Variants in VPS13C observed in about 807,000 individuals in gnomAD.
The protein encoded by VPS13C is intermembrane lipid transfer protein VPS13C.
Under a neutral mutation model 456.8 loss-of-function variants are expected in VPS13C, and 358 were observed. The ratio of observed to expected loss-of-function variants is 0.78; its 90% CI spans 0.72 to 0.86. The LOEUF is 0.86. Ranked by LOEUF, VPS13C falls within the 40% of genes least tolerant of loss-of-function variation. VPS13C has a pLI of 0.00. For synonymous variants in VPS13C, 1,578 were observed against 1,486.7 expected, an observed-to-expected ratio of 1.06 and a Z score of -1.41; for missense variants, 4,818 against 4,385.4, an observed-to-expected ratio of 1.10 and a Z score of -2.79.
chr15:61,984,864 C>T lies in VPS13C; in HGVS notation c.1714G>A (p.Ala572Thr). ...TQVSQRPGAQ[A>T]LKVEAKLEHW... ...AAGTTTTTAAAAACTTACTTAAGTG[C>T]TTGTGCTCCTGGTCGCTGAGATACT... Residue 572 changes from alanine (A) to threonine (T), a missense_variant, in exon 19 of 85, where the codon GCA becomes ACA. Coordinates refer to ENST00000644861, the MANE Select transcript of VPS13C (RefSeq NM_020821.3). 6.2e-7 allele frequency: 1 copy of T among 1,613,068 alleles called. No homozygotes were observed. Among genetic ancestry groups the T allele is most frequent in the South Asian group, 1.1e-5 (1 of 90,608 alleles).
chr15:61,971,570 C>T (rs1389400823), intron 27 of VPS13C, among the ~76,000 whole-genome samples: 2 of 152,094 alleles, frequency 1.3e-5, no homozygotes, highest in Non-Finnish European at 2.9e-5. Context: ...CTGACATTCA[C>T]TCTTAAAGGA....
chr15:61,853,298 T>G lies in VPS13C; in HGVS notation c.*1159A>C, dbSNP rs1258237697. ...TTAATTTGTGATGCCCTTAAAAGAC[T>G]TTCAACCTGTAAGAAACAATTTCTG... On this transcript the variant is annotated 3_prime_UTR_variant, in exon 85 of 85. Transcript: ENST00000644861. The G allele has an allele frequency of 6.6e-6, 1 of 152,228 alleles. No individual in the cohort carries two copies. Among genetic ancestry groups the G allele is most frequent in the Non-Finnish European group, 1.5e-5 (1 of 68,034 alleles). 9.4% of individuals were successfully genotyped at this position (152,228 alleles called of 1,614,324 possible). A position where few individuals can be genotyped will look rare whatever the true frequency, so the allele number is the denominator to read the frequency against.
At chr15:61,994,253 C>T (rs1033154376) in intron 16 of VPS13C, among the ~76,000 whole-genome samples, 1 of 152,162 alleles carries the variant, frequency 6.6e-6, no homozygotes, top group Non-Finnish European at 1.5e-5. Flanking sequence ...AATATTAGTT[C>T]TCTTTCTTCA....
chr15:61,989,768 A>G (rs1382928628), intron 18 of VPS13C, among the ~76,000 whole-genome samples: 1 of 152,212 alleles, frequency 6.6e-6, no homozygotes, highest in Non-Finnish European at 1.5e-5. Flanking sequence ...AGAATGGCTA[A>G]AATTTAAAAG....
At position 61,920,543 on chromosome 15, in the gene VPS13C, T is replaced by C; in HGVS notation, c.7167A>G (p.Ile2389Met). ...CATTAAGACAACTTTTGGATATTGT[T>C]ATATTCATTGTATTTCCTGAAGAAA... is the stretch of plus-strand genomic sequence containing the variant. ...IHISSGNTMNITISKSCLNVF... is the reference protein window; with the variant it reads ...IHISSGNTMNMTISKSCLNVF... Residue 2389 changes from isoleucine to methionine, a missense_variant, in exon 56 of 85, where the codon ATA becomes ATG. Physicochemically the swap from Ile to Met is conservative, Grantham distance 10 (BLOSUM62 1). Around this residue, in one of 3 missense-constraint regions of VPS13C, gnomAD observed 4,552 missense variants for 4,130.6 expected, o/e 1.10. Transcript: ENST00000644861. 6.3e-7 allele frequency: 1 copy of C among 1,578,326 alleles called. No homozygotes were observed. The highest frequency in any genetic ancestry group is 2.0e-5 in the Admixed American group (1 of 49,908).
At position 61,974,348 on chromosome 15, in the gene VPS13C, T is replaced by C. The variant is rs1209982514; in HGVS notation, c.2478A>G (p.Leu826=). ...GCAAAGGTATACTGTTCATCAAATA[T>C]AGCACATCTTTCATCTTCTGGTCAG... is the stretch of plus-strand genomic sequence containing the variant. ...RISDQKMKDV[L]YLMNSIPLPQ... Residue 826 remains leucine, a synonymous_variant, in exon 25 of 85, where the codon CTA becomes CTG. Transcript: ENST00000644861. 24 of 1,612,664 alleles carry C rather than the reference T, an allele frequency of 1.5e-5. No individual in the cohort carries two copies. Among genetic ancestry groups the C allele is most frequent in the Non-Finnish European group, 2.0e-5 (23 of 1,179,060 alleles).
chr15:61,868,070 G>A (rs1894717748), intron 81 of VPS13C: 1 of 698,974 alleles, frequency 1.4e-6, no homozygotes, highest in South Asian at 1.9e-5. Context: ...TTAAAGTCAA[G>A]GTAGAAAAAT....
Position 62,010,583 on chromosome 15 carries a change from T to C in VPS13C, c.900A>G (p.Ser300=), listed in dbSNP as rs1442338290. 3 of 1,610,698 alleles carry C rather than the reference T, an allele frequency of 1.9e-6. No homozygotes were observed. Among genetic ancestry groups the C allele is most frequent in the African/African-American group, 2.7e-5 (2 of 74,782 alleles). ...PNYQYIFQPI[S]ASAKLYMNPY... Reference sequence around the variant, plus strand: ...GATTCATGTAGAGTTTTGCAGAGGCTGATATTGGCTGGAAAACTTACATCA... The same window carrying C: ...GATTCATGTAGAGTTTTGCAGAGGCCGATATTGGCTGGAAAACTTACATCA... Residue 300 remains serine (S), a synonymous_variant, in exon 13 of 85, where the codon TCA becomes TCG. Coordinates refer to ENST00000644861, the MANE Select transcript of VPS13C (RefSeq NM_020821.3).
intron 82 of VPS13C, among the ~76,000 whole-genome samples, chr15:61,859,662 A>T (rs1261882892): frequency 6.6e-6 from 1 of 152,098 alleles, no homozygotes; most frequent in Non-Finnish European, 1.5e-5. Flanking sequence ...TGTGGTCCCC[A>T]TCTTACTGTA....
chr15:61,856,412 A>G lies in VPS13C; in HGVS notation c.10953-3T>C, dbSNP rs371088290. On this transcript the variant is annotated splice_region_variant and splice_polypyrimidine_tract_variant and intron_variant, in intron 82 of 84. Coordinates refer to ENST00000644861, the MANE Select transcript of VPS13C (RefSeq NM_020821.3). ...CTTCCTTTATACACAACACTCGCCT[A>G]TTTTGCAAAAGAAAACAAAAACTTA... 8.1e-6 allele frequency: 13 copies of G among 1,608,816 alleles called. No homozygotes were observed. The East Asian group carries it at 9.0e-5, about 11-fold the overall frequency.
In VPS13C at chr15:62,008,730, A is replaced by C; in HGVS notation, c.1043T>G (p.Val348Gly). 6.2e-7 allele frequency: 1 copy of C among 1,605,484 alleles called. No individual in the cohort carries two copies. Among genetic ancestry groups the C allele is most frequent in the Non-Finnish European group, 8.5e-7 (1 of 1,175,538 alleles). ...YLSMIDLLES[V>G]DYMVRNAPYR... is the part of the protein sequence containing the mutation. Reference sequence around the variant, plus strand: ...AGGCGCATTCCTAACCATATAATCCACTGACTCCAAAAGGTCAATCATACT... The same window carrying C: ...AGGCGCATTCCTAACCATATAATCCCCTGACTCCAAAAGGTCAATCATACT... Residue 348 changes from valine (V) to glycine (G), a missense_variant, in exon 14 of 85, where the codon GTG (valine) becomes GGG (glycine). Physicochemically the swap from Val to Gly is moderately radical, Grantham distance 109 (BLOSUM62 -3). Transcript: ENST00000644861.
At position 61,969,361 on chromosome 15, in the gene VPS13C, G is replaced by A. The variant is rs1481037607; in HGVS notation, c.2849C>T (p.Thr950Ile). ...ATAAGATACCACAGTTAAGTCAAATGTTCTCATTGTGGCCTCTGTTCCTAA... is the reference window on the plus strand; with the variant it reads ...ATAAGATACCACAGTTAAGTCAAATATTCTCATTGTGGCCTCTGTTCCTAA... Reference protein sequence around the residue: ...TQLGTEATMRTFDLTVVSYLK... With the variant: ...TQLGTEATMRIFDLTVVSYLK... Residue 950 changes from threonine (T) to isoleucine (I), a missense_variant, in exon 28 of 85, where the codon ACA becomes ATA. Thr to Ile is a moderately conservative substitution (Grantham distance 89). Around this residue, in one of 3 missense-constraint regions of VPS13C, gnomAD observed 4,552 missense variants for 4,130.6 expected, o/e 1.10. Coordinates refer to ENST00000644861, the MANE Select transcript of VPS13C (RefSeq NM_020821.3). 4 of 1,603,626 alleles carry A rather than the reference G, an allele frequency of 2.5e-6. No homozygotes were observed. Among genetic ancestry groups the A allele is most frequent in the East Asian group, 2.2e-5 (1 of 44,464 alleles).
intron 39 of VPS13C, 147 bp from the exon 40 acceptor site, chr15:61,951,171 A>G: frequency 2.0e-6 from 1 of 501,482 alleles, no homozygotes; most frequent in South Asian, 4.9e-5. Flanking sequence ...TATAAATCTT[A>G]CCTCAATAAA....
At chr15:61,976,798 G>A (rs1379221217) in intron 24 of VPS13C, among the ~76,000 whole-genome samples, 1 of 151,858 alleles carries the variant, frequency 6.6e-6, no homozygotes, top group Non-Finnish European at 1.5e-5. Context: ...AGCCTCTAAT[G>A]TGTTCGAAGA....
At chr15:61,997,835 T>C (rs181412171) in intron 16 of VPS13C, among the ~76,000 whole-genome samples, 37 of 152,300 alleles carry the variant, frequency 2.4e-4, no homozygotes, top group Admixed American at 7.8e-4. Flanking sequence ...TCCCCCTGTC[T>C]TCACTCTTGC....
At chr15:61,986,667 A>C (rs894876685) in intron 18 of VPS13C, among the ~76,000 whole-genome samples, 3 of 152,192 alleles carry the variant, frequency 2.0e-5, no homozygotes, top group African/African-American at 4.8e-5. Context: ...AAAAATGAAT[A>C]CATATCTAGT....
At chr15:62,052,845 C>A (rs1377374882) in intron 1 of VPS13C, among the ~76,000 whole-genome samples, 1 of 152,082 alleles carries the variant, frequency 6.6e-6, no homozygotes, top group Non-Finnish European at 1.5e-5. Flanking sequence ...CTCTCTCACT[C>A]TTCCCATTTC....
chr15:61,881,958 G>C (rs534040384), intron 69 of VPS13C, 130 bp from the exon 70 acceptor site: 2 of 809,774 alleles, frequency 2.5e-6, no homozygotes, highest in Non-Finnish European at 3.8e-6. Flanking sequence ...GGTGTAATTA[G>C]AAGTTTCATT....
intron 1 of VPS13C, among the ~76,000 whole-genome samples, chr15:62,060,035 A>T (rs1370483790): frequency 6.6e-6 from 1 of 152,078 alleles, no homozygotes; most frequent in Non-Finnish European, 1.5e-5. Context: ...GCCTCGGGGG[A>T]CGAGAAAGGT....
Sources: gnomAD v4.1 joint callset for allele counts (sites outside exome capture counted in the v4.1 genomes callset) on GRCh38, gnomAD v4.1.1 for gene constraint, gnomAD v4.1.1 regional missense constraint, MANE v1.5 for transcripts, NCBI Gene and HGNC (gene_info 2026-07-23, HGNC 2026-07-21) for gene names.